SASH1: variants seen among roughly 807,000 people sequenced by gnomAD.
SASH1 encodes SAM and SH3 domain containing 1.
SASH1 carries 44 observed loss-of-function variants against 125.2 expected under a neutral mutation model. That is an observed-to-expected ratio of 0.35 (90% CI 0.28 to 0.45). The LOEUF (loss-of-function observed/expected upper bound fraction) is 0.45, where lower values mean the gene tolerates loss of function less well. Among genes scored for constraint, SASH1 ranks in the 20% least tolerant of loss-of-function variants. The pLI is 1.00. For missense variants in SASH1, 1,426 were observed against 1,614.5 expected (o/e 0.88, Z 2.00); for synonymous variants, 639 against 649.1 (o/e 0.98, Z 0.24).
At chr6:148,292,626 A>G (rs953086874) in intron 1 of SASH1, among the ~76,000 whole-genome samples, 1 of 152,302 alleles carries the variant, frequency 6.6e-6, no homozygotes, top group Non-Finnish European at 1.5e-5. Flanking sequence ...GATGCTCCAC[A>G]TGTGGCTAAA....
At chr6:148,445,653 C>T (rs1033963513) in intron 4 of SASH1, among the ~76,000 whole-genome samples, 2 of 152,034 alleles carry the variant, frequency 1.3e-5, no homozygotes, top group Non-Finnish European at 2.9e-5. Context: ...TTTTCTTTCC[C>T]GTCATAGCCT....
intron 10 of SASH1, among the ~76,000 whole-genome samples, chr6:148,521,060 T>G (rs1353790183): frequency 6.6e-6 from 1 of 152,076 alleles, no homozygotes; most frequent in African/African-American, 2.4e-5. Context: ...TTTCAAAGAG[T>G]AGGATGTTTT....
chr6:148,527,998 G>C (rs892722932), intron 12 of SASH1, among the ~76,000 whole-genome samples: 4 of 134,768 alleles, frequency 3.0e-5, no homozygotes, highest in East Asian at 4.2e-4. Flanking sequence ...TGGGGGGGGG[G>C]GTGGCAGTAG....
intron 1 of SASH1, among the ~76,000 whole-genome samples, chr6:148,349,252 C>CTTTTTTTTCTTTTTTTTTTTT (rs1781629349): frequency 2.1e-5 from 1 of 47,022 alleles, no homozygotes; most frequent in African/African-American, 8.5e-5. Flanking sequence ...TTCTTTCTTT[C>CTTTTTTTTCTTTTTTTTTTTT]TTTTTTTTTT....
intron 1 of SASH1, among the ~76,000 whole-genome samples, chr6:148,361,808 C>T (rs1276608279): frequency 1.3e-5 from 2 of 152,020 alleles, no homozygotes; most frequent in Non-Finnish European, 2.9e-5. Context: ...AAGAAGAAGA[C>T]AGGGGCCTCC....
rs189937621 is a variant in SASH1 at position 148,519,713 on chromosome 6, C to T, written c.1029C>T (p.Thr343=). The part of the protein sequence containing the change: ...TTSPSSSSLD[T]WGAGRKLVKT... ...CTCCATCCTCCAGCAGCCTGGACACCTGGGGGGCTGGCCGGAAGTTGGTCA... is the reference window on the plus strand; with the variant it reads ...CTCCATCCTCCAGCAGCCTGGACACTTGGGGGGCTGGCCGGAAGTTGGTCA... The change falls in exon 10 of 20, where the codon ACC becomes ACT. Residue 343 remains threonine, a synonymous_variant. Transcript: ENST00000367467. The surrounding 1 kb of genome is among the most constrained non-coding windows in gnomAD (Gnocchi z 4.8). The T allele has an allele frequency of 1.7e-4, 271 of 1,614,144 alleles. 3 individuals are homozygous for T. In the East Asian group the frequency reaches 5.3e-3, roughly 32 times the overall value.
At chr6:148,488,130 G>A (rs1405459313) in intron 8 of SASH1, among the ~76,000 whole-genome samples, 1 of 151,756 alleles carries the variant, frequency 6.6e-6, no homozygotes, top group African/African-American at 2.4e-5. Flanking sequence ...CTCTCCCTAC[G>A]CCCCCGCCTC....
At chr6:148,359,320 G>C (rs1286175933) in intron 1 of SASH1, among the ~76,000 whole-genome samples, 2 of 117,430 alleles carry the variant, frequency 1.7e-5, no homozygotes, top group Non-Finnish European at 3.5e-5. Flanking sequence ...CATTGTGCTT[G>C]GCCGGTTTTT....
chr6:148,416,303 C>CT (rs1203569728), intron 2 of SASH1, among the ~76,000 whole-genome samples: 3 of 133,186 alleles, frequency 2.3e-5, no homozygotes, highest in African/African-American at 8.0e-5. Flanking sequence ...AAGGTTGTTT[C>CT]TTTTTTTCTT....
chr6:148,529,000 G>A (rs1037182896), intron 12 of SASH1, among the ~76,000 whole-genome samples: 1 of 152,020 alleles, frequency 6.6e-6, no homozygotes, highest in African/African-American at 2.4e-5. Flanking sequence ...CAACCTAGAT[G>A]CCTCGTGTGC....
At chr6:148,226,354 C>A in the SASH1 span, among the ~76,000 whole-genome samples, 1 of 152,150 alleles carries the variant, frequency 6.6e-6, no homozygotes, top group Non-Finnish European at 1.5e-5. Flanking sequence ...TCTATAGTTG[C>A]TTTTCCCTGA....
At chr6:148,263,787 C>A in the SASH1 span, among the ~76,000 whole-genome samples, 94 of 152,292 alleles carry the variant, frequency 6.2e-4, no homozygotes, top group East Asian at 0.016. Flanking sequence ...ACCATCTGTA[C>A]ACATCTAACT....
At chr6:148,229,934 A>G in the SASH1 span, among the ~76,000 whole-genome samples, 1 of 151,024 alleles carries the variant, frequency 6.6e-6, no homozygotes, top group Admixed American at 6.6e-5. Flanking sequence ...CTGGTCTTGA[A>G]CTCCTGATCT....
intron 8 of SASH1, chr6:148,513,523 T>A: frequency 2.0e-6 from 2 of 985,514 alleles, no homozygotes; most frequent in Non-Finnish European, 1.2e-6. Flanking sequence ...AGGATTGTTT[T>A]TAGCCTGGGT....
intron 1 of SASH1, among the ~76,000 whole-genome samples, chr6:148,348,819 C>T (rs903778771): frequency 2.6e-5 from 4 of 152,160 alleles, no homozygotes; most frequent in African/African-American, 9.7e-5. Flanking sequence ...CGATACTTGC[C>T]CTTGAATTCT....
chr6:148,396,478 G>GAAAAAA (rs61277112), intron 2 of SASH1, among the ~76,000 whole-genome samples: 26 of 63,790 alleles, frequency 4.1e-4, no homozygotes, highest in Admixed American at 9.0e-4. Context: ...CTGCATCTCA[G>GAAAAAA]AAAAAAAAAA....
chr6:148,488,694 T>C (rs1298271886), intron 8 of SASH1, among the ~76,000 whole-genome samples: 2 of 152,370 alleles, frequency 1.3e-5, no homozygotes, highest in Non-Finnish European at 1.5e-5. Flanking sequence ...ATTATCCTAA[T>C]GGTGTGAAAT....
At chr6:148,347,406 G>C (rs553282343) in intron 1 of SASH1, among the ~76,000 whole-genome samples, 4 of 152,234 alleles carry the variant, frequency 2.6e-5, no homozygotes, top group African/African-American at 9.6e-5. Context: ...TCTAATTCCT[G>C]TGCAAGCTAC....
the SASH1 span, among the ~76,000 whole-genome samples, chr6:148,235,940 GT>G: frequency 6.6e-6 from 1 of 152,144 alleles, no homozygotes; most frequent in Non-Finnish European, 1.5e-5. Context: ...CTGTAGGCTA[GT>G]TTTCTTCTTA....
Sources: gnomAD v4.1 joint callset for allele counts (sites outside exome capture counted in the v4.1 genomes callset) on GRCh38, gnomAD v4.1.1 for gene constraint, Gnocchi (gnomAD v3.1) non-coding constraint, MANE v1.5 for transcripts, NCBI Gene and HGNC (gene_info 2026-07-23, HGNC 2026-07-21) for gene names.